Variants in SREK1 observed in about 807,000 individuals in gnomAD.
SREK1 encodes the protein splicing regulatory glutamine/lysine-rich protein 1.
In SREK1, 13 loss-of-function variants were observed where a neutral mutation model predicts 66.5. The ratio of observed to expected loss-of-function variants is 0.20; its 90% CI spans 0.13 to 0.31. The LOEUF (loss-of-function observed/expected upper bound fraction) is 0.31. Among genes scored for constraint, SREK1 ranks in the 10% least tolerant of loss-of-function variants. The probability of loss-of-function intolerance (pLI) is 1.00; values close to 1 mark genes in which losing one functional copy is unlikely to be tolerated. For missense variants in SREK1, 607 were observed against 769.6 expected (o/e 0.79, Z 2.50); for synonymous variants, 265 against 263.5 (o/e 1.01, Z -0.05).
chr5:66,160,935 C>T (rs944345870), intron 3 of SREK1, among the ~76,000 whole-genome samples: 4 of 152,148 alleles, frequency 2.6e-5, no homozygotes, highest in Non-Finnish European at 5.9e-5. Context: ...TTCTAGTTTA[C>T]ATTCATATTA....
intron 7 of SREK1, 193 bp from the exon 8 acceptor site, chr5:66,169,858 G>C (rs1398011204): frequency 5.1e-6 from 2 of 392,682 alleles, no homozygotes; most frequent in Non-Finnish European, 9.0e-6. Context: ...TAAATTCTTT[G>C]TTTCTGTCTC....
At chr5:66,177,009 C>T (rs923973048) in intron 10 of SREK1, among the ~76,000 whole-genome samples, 30 of 151,960 alleles carry the variant, frequency 2.0e-4, no homozygotes, top group African/African-American at 6.3e-4. Context: ...ATACTTTACC[C>T]AGGAAAGTCA....
chr5:66,159,601 A>G (rs956498258), intron 3 of SREK1, among the ~76,000 whole-genome samples: 5 of 152,188 alleles, frequency 3.3e-5, no homozygotes, highest in Admixed American at 2.0e-4. Context: ...TTAAAACTCA[A>G]TATTTTAGAT....
In SREK1 at chr5:66,170,110, C is replaced by T. The variant is rs1006836605; in HGVS notation, c.1061C>T (p.Pro354Leu). 8 of 1,612,802 alleles carry T rather than the reference C, an allele frequency of 5.0e-6. No homozygotes were observed. In the Admixed American group the frequency reaches 1.3e-4, roughly 27 times the overall value. ...RQKDRRRSKS[P>L]HKKRSKSRER... ...AAAGACAGACGTAGATCTAAGAGCC[C>T]ACATAAAAAACGCTCTAAATCAAGG... is the stretch of plus-strand genomic sequence containing the variant. The change falls in exon 8 of 12, where the codon CCA (proline) becomes CTA (leucine). Residue 354 changes from proline to leucine, a missense_variant. By Grantham distance (98) the Pro-to-Leu change is moderately conservative. Transcript: ENST00000334121.
intron 1 of SREK1, among the ~76,000 whole-genome samples, chr5:66,149,743 A>G (rs1743599473): frequency 6.6e-6 from 1 of 152,250 alleles, no homozygotes; most frequent in Non-Finnish European, 1.5e-5. Context: ...TGGAATTGCT[A>G]GGGCTTTAGT....
At chr5:66,144,841 C>T (rs908024895) in intron 1 of SREK1, 2 of 1,078,846 alleles carry the variant, frequency 1.9e-6, no homozygotes, top group South Asian at 7.2e-5. Context: ...CCTCTTATTT[C>T]CCCCCGAACT....
chr5:66,153,341 C>A, intron 1 of SREK1, 122 bp from the exon 2 acceptor site: 2 of 1,285,896 alleles, frequency 1.6e-6, no homozygotes, highest in Non-Finnish European at 2.1e-6. Context: ...TCCTTAATAA[C>A]AAAAAGTTTT....
chr5:66,144,338 G>A lies in SREK1; in HGVS notation c.-39G>A. 2.0e-6 allele frequency: 3 copies of A among 1,475,620 alleles called. No homozygotes were observed. The highest frequency in any genetic ancestry group is 2.7e-6 in the Non-Finnish European group (3 of 1,091,208). 91.4% of individuals were successfully genotyped at this position (1,475,620 alleles called of 1,614,324 possible). A position where few individuals can be genotyped will look rare whatever the true frequency, so the allele number is the denominator to read the frequency against. ...CCGGCTCCGTCGCTGACGCGTCGTA[G>A]ACGTTGGGGAGCGGGAAGGCAACGG... On this transcript the variant is annotated 5_prime_UTR_variant, in exon 1 of 12. Coordinates refer to ENST00000334121, the MANE Select transcript of SREK1 (RefSeq NM_001077199.3).
At chr5:66,150,473 G>C (rs1029534604) in intron 1 of SREK1, among the ~76,000 whole-genome samples, 17 of 152,208 alleles carry the variant, frequency 1.1e-4, no homozygotes, top group African/African-American at 3.9e-4. Flanking sequence ...ATTTTTGGGT[G>C]CATTTCCATG....
At position 66,183,162 on chromosome 5, in the gene SREK1, G is replaced by C. The variant is rs1746633163; in HGVS notation, c.*4294G>C. ...TTTACCTCTATATTTTATTTTTCCA[G>C]GATTGGTATGGAGGAGTAGTACCTT... On this transcript the variant is annotated 3_prime_UTR_variant, in exon 12 of 12. Transcript: ENST00000334121. The C allele has an allele frequency of 6.6e-6, 1 of 151,910 alleles. No individual in the cohort carries two copies. The highest frequency in any genetic ancestry group is 6.6e-5 in the Admixed American group (1 of 15,232). The allele number at this position is 151,910 out of a possible 1,614,324, so 9.4% of individuals were successfully genotyped here.
rs545673228 is a variant in SREK1, at chr5:66,170,499, T to C, written c.1122-86T>C. On this transcript the variant is annotated intron_variant, in intron 8 of 11. Coordinates refer to ENST00000334121, the MANE Select transcript of SREK1 (RefSeq NM_001077199.3). ...TCTGTAGGTACTATAAATTGTCTTG[T>C]GTTGGTAATTGTTGAAGAGAGAGAG... 8.3e-6 allele frequency: 12 copies of C among 1,440,704 alleles called. No individual in the cohort carries two copies. In the South Asian group the frequency reaches 1.5e-4, roughly 18 times the overall value. The allele number at this position is 1,440,704 out of a possible 1,614,324, so 89.2% of individuals were successfully genotyped here.
chr5:66,146,045 C>G (rs1191080971), intron 1 of SREK1, among the ~76,000 whole-genome samples: 1 of 151,712 alleles, frequency 6.6e-6, no homozygotes, highest in African/African-American at 2.4e-5. Flanking sequence ...ACATTTTTGA[C>G]GAGAATACTG....
intron 2 of SREK1, chr5:66,156,063 A>G: frequency 6.5e-7 from 1 of 1,532,702 alleles, no homozygotes; most frequent in Non-Finnish European, 8.7e-7. Flanking sequence ...GTGCATTATT[A>G]GATGACTAGA....
At position 66,164,834 on chromosome 5, in the gene SREK1, G is replaced by C. The variant is rs534903269; in HGVS notation, c.938G>C (p.Arg313Pro). The change falls in exon 7 of 12, where the codon CGC becomes CCC. Residue 313 changes from arginine to proline, a missense_variant. By Grantham distance (103) the Arg-to-Pro change is moderately radical (BLOSUM62 -2). This residue lies in a region of SREK1 where 112 missense variants were observed against 168.6 expected (regional missense o/e 0.66). Coordinates refer to ENST00000334121, the MANE Select transcript of SREK1 (RefSeq NM_001077199.3). ...RKGGRSRSHT[R>P]SKSRSSSKSH... ...GGCGGTCGATCTCGTTCCCATACTC[G>C]CTCAAAATCCAGGTCTAGCTCAAAA... 5 of 1,613,830 alleles carry C rather than the reference G, an allele frequency of 3.1e-6. No individual in the cohort carries two copies. Among genetic ancestry groups the C allele is most frequent in the Non-Finnish European group, 4.2e-6 (5 of 1,179,886 alleles).
At chr5:66,144,652 G>C in intron 1 of SREK1, 115 bp downstream of exon 1, 2 of 1,421,596 alleles carry the variant, frequency 1.4e-6, no homozygotes, top group Non-Finnish European at 1.8e-6. Flanking sequence ...TGATCGCGCC[G>C]GCTTACCTTG....
At chr5:66,144,938 C>T in intron 1 of SREK1, 2 of 991,924 alleles carry the variant, frequency 2.0e-6, no homozygotes, top group Non-Finnish European at 2.4e-6. Context: ...GAGACCGCGC[C>T]TGAGCCACAG....
intron 1 of SREK1, among the ~76,000 whole-genome samples, chr5:66,147,395 C>T (rs1476226560): frequency 2.0e-5 from 3 of 152,112 alleles, no homozygotes; most frequent in Non-Finnish European, 2.9e-5. Flanking sequence ...AATGTACCTA[C>T]AGAGAAGTGC....
At chr5:66,172,582 G>T (rs763304137) in intron 9 of SREK1, among the ~76,000 whole-genome samples, 9 of 152,006 alleles carry the variant, frequency 5.9e-5, no homozygotes, top group Non-Finnish European at 8.8e-5. Flanking sequence ...TTTTAGTAGA[G>T]ATGGAGTTTC....
intron 1 of SREK1, 149 bp from the exon 2 acceptor site, chr5:66,153,314 G>T (rs1744005956): frequency 1.0e-6 from 1 of 986,442 alleles, no homozygotes; most frequent in African/African-American, 1.6e-5. Context: ...AAGTTTCACT[G>T]TTTTATGTGT....
Sources: allele counts gnomAD v4.1 joint callset (sites outside exome capture counted in the v4.1 genomes callset), GRCh38; gene constraint gnomAD v4.1.1; regional missense constraint gnomAD v4.1.1; transcripts MANE v1.5; gene names NCBI Gene and HGNC (gene_info 2026-07-23, HGNC 2026-07-21).